Variants in ARMH3 observed in about 807,000 individuals in gnomAD.
The protein encoded by ARMH3 is armadillo like helical domain containing 3, also known as armadillo-like helical domain-containing protein 3.
Under a neutral mutation model 99.1 loss-of-function variants are expected in ARMH3, and 60 were observed. The observed-to-expected ratio is 0.61, with a 90% CI of 0.49 to 0.75. ARMH3 has a LOEUF of 0.75. ARMH3 is among the 30% of genes least tolerant of loss of function. The probability of loss-of-function intolerance (pLI) is 0.00; values close to 1 mark genes in which losing one functional copy is unlikely to be tolerated. For synonymous variants in ARMH3, 285 were observed against 292.8 expected (o/e 0.97, Z 0.27); for missense variants, 679 against 843.1 (o/e 0.81, Z 2.41).
At chr10:101,925,872 C>T (rs1371541332) in intron 23 of ARMH3, among the ~76,000 whole-genome samples, 3 of 152,174 alleles carry the variant, frequency 2.0e-5, no homozygotes, top group Non-Finnish European at 2.9e-5. Flanking sequence ...GATTGTGCTA[C>T]TGCATTCCAG....
chr10:101,949,719 T>C (rs925886549), intron 22 of ARMH3, among the ~76,000 whole-genome samples: 1 of 152,146 alleles, frequency 6.6e-6, no homozygotes, highest in African/African-American at 2.4e-5. Flanking sequence ...CCAATTCATA[T>C]TATGAGGCCA....
intron 23 of ARMH3, among the ~76,000 whole-genome samples, chr10:101,923,258 T>C (rs1355725427): frequency 1.3e-5 from 2 of 152,196 alleles, no homozygotes; most frequent in Non-Finnish European, 2.9e-5. Context: ...CTTATTATTA[T>C]CTTCCACTAT....
chr10:101,895,448 T>C (rs1180651323), intron 23 of ARMH3, among the ~76,000 whole-genome samples: 2 of 151,940 alleles, frequency 1.3e-5, no homozygotes, highest in African/African-American at 4.8e-5. Flanking sequence ...CCCGGCTAAT[T>C]TTTTGTATTT....
intron 4 of ARMH3, among the ~76,000 whole-genome samples, chr10:102,030,659 A>AGTG (rs2067107078): frequency 6.6e-6 from 1 of 152,132 alleles, no homozygotes; most frequent in African/African-American, 2.4e-5. Context: ...CAGTGAGCCG[A>AGTG]GATCGCTCCA....
At chr10:101,978,742 C>T in intron 19 of ARMH3, among the ~76,000 whole-genome samples, 1 of 152,016 alleles carries the variant, frequency 6.6e-6, no homozygotes, top group East Asian at 1.9e-4. Flanking sequence ...GAGTTCAAGA[C>T]CAGCCTGGCC....
rs147918690 is a variant in ARMH3, at chr10:101,875,611, T to C, written c.1860+13801A>G. ...CAGTTCTCCCAGTCCATCCATGCCT[T>C]TCAAGCCTGCTACCAAAGAGCTCTA... On this transcript the variant is annotated intron_variant, in intron 24 of 25. Coordinates refer to ENST00000370033, the MANE Select transcript of ARMH3 (RefSeq NM_024541.3). Among the ~76,000 whole-genome samples, 429 of 148,246 alleles carry C rather than the reference T, an allele frequency of 2.9e-3. 6 individuals carry two copies. Among genetic ancestry groups the C allele is most frequent in the Non-Finnish European group, 2.9e-3 (196 of 66,478 alleles).
intron 14 of ARMH3, among the ~76,000 whole-genome samples, chr10:102,003,280 C>T (rs779270455): frequency 6.6e-6 from 1 of 151,924 alleles, no homozygotes; most frequent in Non-Finnish European, 1.5e-5. Flanking sequence ...CTCCTGCCTC[C>T]GCCTCCCAAA....
At chr10:101,935,833 T>C (rs532111512) in intron 23 of ARMH3, among the ~76,000 whole-genome samples, 1 of 152,318 alleles carries the variant, frequency 6.6e-6, no homozygotes, top group East Asian at 1.9e-4. Flanking sequence ...AACATCAGAA[T>C]TTTACTACTA....
intron 20 of ARMH3, among the ~76,000 whole-genome samples, chr10:101,974,418 A>C (rs1845902330): frequency 6.6e-6 from 1 of 152,150 alleles, no homozygotes; most frequent in Admixed American, 6.5e-5. Flanking sequence ...CACTGTAATC[A>C]TCTGGAGAAG....
chr10:101,944,269 T>TAGAGAG (rs1844394202), intron 22 of ARMH3, among the ~76,000 whole-genome samples: 2 of 44,948 alleles, frequency 4.4e-5, no homozygotes, highest in Non-Finnish European at 7.4e-5. Flanking sequence ...TATATATATA[T>TAGAGAG]ATATAGAGAG....
chr10:101,886,523 C>G (rs1187102261), intron 24 of ARMH3, among the ~76,000 whole-genome samples: 17 of 151,760 alleles, frequency 1.1e-4, no homozygotes, highest in Admixed American at 9.2e-4. Context: ...AACAAACAAA[C>G]AAAAAAGAAT....
At chr10:102,007,359 G>T (rs1401845658) in intron 13 of ARMH3, among the ~76,000 whole-genome samples, 1 of 150,060 alleles carries the variant, frequency 6.7e-6, no homozygotes, top group Non-Finnish European at 1.5e-5. Context: ...AAAAACTGGG[G>T]TCAACAAATA....
At chr10:101,912,242 A>C (rs548191485) in intron 23 of ARMH3, among the ~76,000 whole-genome samples, 1 of 151,746 alleles carries the variant, frequency 6.6e-6, no homozygotes, top group South Asian at 2.1e-4. Flanking sequence ...AAAATACAAA[A>C]ATTAGCCGGG....
intron 23 of ARMH3, among the ~76,000 whole-genome samples, chr10:101,911,560 G>A (rs1842867830): frequency 6.6e-6 from 1 of 152,132 alleles, no homozygotes; most frequent in Non-Finnish European, 1.5e-5. Context: ...AACACAGCAA[G>A]ACTCCATCTC....
intron 8 of ARMH3, among the ~76,000 whole-genome samples, chr10:102,019,002 T>C (rs960082587): frequency 1.3e-5 from 2 of 152,174 alleles, no homozygotes; most frequent in Non-Finnish European, 2.9e-5. Flanking sequence ...TACCTACTAC[T>C]TGATAATGAC....
At chr10:101,949,238 G>A (rs1164690342) in intron 22 of ARMH3, among the ~76,000 whole-genome samples, 1 of 150,786 alleles carries the variant, frequency 6.6e-6, no homozygotes, top group Non-Finnish European at 1.5e-5. Context: ...AAAATAAAGA[G>A]CATAAATCAA....
At chr10:101,988,860 T>C (rs374824563) in intron 19 of ARMH3, among the ~76,000 whole-genome samples, 33 of 149,166 alleles carry the variant, frequency 2.2e-4, no homozygotes, top group South Asian at 2.1e-3. Context: ...GAGGCAGAGG[T>C]TGCAGTGAGC....
chr10:101,853,126 G>C (rs1009137129), intron 24 of ARMH3, among the ~76,000 whole-genome samples: 3 of 150,726 alleles, frequency 2.0e-5, no homozygotes, highest in Non-Finnish European at 4.4e-5. Flanking sequence ...CCTGATCTCA[G>C]GTGCTCCACC....
At chr10:101,970,849 G>A (rs1845735157) in intron 20 of ARMH3, among the ~76,000 whole-genome samples, 1 of 151,674 alleles carries the variant, frequency 6.6e-6, no homozygotes, top group African/African-American at 2.4e-5. Context: ...CAGTCTGCTG[G>A]AGATGTAACA....
Sources: allele counts gnomAD v4.1 joint callset (sites outside exome capture counted in the v4.1 genomes callset), GRCh38; gene constraint gnomAD v4.1.1; transcripts MANE v1.5; gene names NCBI Gene and HGNC (gene_info 2026-07-23, HGNC 2026-07-21).